ASTN2: variants seen among roughly 807,000 people sequenced by gnomAD.
ASTN2 encodes the protein astrotactin-2.
ASTN2 carries 54 observed loss-of-function variants against 139.8 expected under a neutral mutation model. That is an observed-to-expected ratio of 0.39 (90% CI 0.31 to 0.48). The LOEUF (loss-of-function observed/expected upper bound fraction) is 0.48, where lower values mean the gene tolerates loss of function less well. Ranked by LOEUF, ASTN2 falls within the 20% of genes least tolerant of loss-of-function variation. The probability of loss-of-function intolerance (pLI) is 0.95; values close to 1 mark genes in which losing one functional copy is unlikely to be tolerated. For synonymous variants in ASTN2, 756 were observed against 719.5 expected (o/e 1.05, Z -0.81); for missense variants, 1,565 against 1,725.1 (o/e 0.91, Z 1.64).
At chr9:117,201,866 A>G (rs1247529053) in intron 3 of ASTN2, among the ~76,000 whole-genome samples, 1 of 152,178 alleles carries the variant, frequency 6.6e-6, no homozygotes, top group Non-Finnish European at 1.5e-5. Flanking sequence ...CACTTGATCC[A>G]GAGCTGAGTT....
At chr9:117,128,162 G>C (rs903587837) in intron 4 of ASTN2, among the ~76,000 whole-genome samples, 1 of 151,948 alleles carries the variant, frequency 6.6e-6, no homozygotes, top group African/African-American at 2.4e-5. Flanking sequence ...TAGTCCATCA[G>C]AAATCAGGGT....
intron 10 of ASTN2, among the ~76,000 whole-genome samples, chr9:116,929,534 T>C (rs1834843685): frequency 6.6e-6 from 1 of 152,198 alleles, no homozygotes; most frequent in Non-Finnish European, 1.5e-5. Context: ...ACATTGACTC[T>C]GTGCTGCATC....
intron 19 of ASTN2, among the ~76,000 whole-genome samples, chr9:116,503,058 A>AAAGG (rs376833185): frequency 7.5e-6 from 1 of 133,780 alleles, no homozygotes; most frequent in Non-Finnish European, 1.6e-5. Flanking sequence ...GGGAAGGAAG[A>AAAGG]AAGGAAGGAA....
At chr9:117,029,668 C>A (rs1838191863) in intron 6 of ASTN2, among the ~76,000 whole-genome samples, 1 of 150,724 alleles carries the variant, frequency 6.6e-6, no homozygotes, top group African/African-American at 2.4e-5. Flanking sequence ...CGTTTGTTGA[C>A]CATGGGAGGA....
intron 10 of ASTN2, among the ~76,000 whole-genome samples, chr9:116,928,467 G>A (rs187175253): frequency 1.7e-3 from 264 of 152,178 alleles, no homozygotes; most frequent in African/African-American, 6.0e-3. Context: ...AATCTTTGTC[G>A]TAACAGCTGT....
chr9:116,552,906 C>G (rs183793027), intron 19 of ASTN2, among the ~76,000 whole-genome samples: 1 of 152,238 alleles, frequency 6.6e-6, no homozygotes, highest in East Asian at 1.9e-4. Flanking sequence ...CAGTGGAAAT[C>G]CATTAAATTA....
intron 4 of ASTN2, among the ~76,000 whole-genome samples, chr9:117,097,191 T>C (rs1263169805): frequency 6.6e-6 from 1 of 151,998 alleles, no homozygotes; most frequent in African/African-American, 2.4e-5. Context: ...GAGGAGGAGA[T>C]GAGTGCAAAG....
At chr9:117,150,071 TAGG>T (rs2132877284) in intron 3 of ASTN2, among the ~76,000 whole-genome samples, 2 of 152,310 alleles carry the variant, frequency 1.3e-5, no homozygotes, top group African/African-American at 4.8e-5. Flanking sequence ...TGATTTCTGC[TAGG>T]AGAACTGCAT....
intron 1 of ASTN2, among the ~76,000 whole-genome samples, chr9:117,319,787 A>C (rs959738497): frequency 1.3e-5 from 2 of 152,112 alleles, no homozygotes; most frequent in African/African-American, 2.4e-5. Context: ...CCTCCCTGTC[A>C]GCAAGACCCC....
chr9:117,206,528 CAT>C (rs1018663133), intron 3 of ASTN2, among the ~76,000 whole-genome samples: 5 of 152,150 alleles, frequency 3.3e-5, no homozygotes, highest in African/African-American at 1.2e-4. Flanking sequence ...GTACACACCT[CAT>C]GAGTGTGCCC....
rs376636277 is a variant in ASTN2 at position 116,832,940 on chromosome 9, TTTTA to T, written c.2041-12161_2041-12158del. On this transcript the variant is annotated intron_variant, in intron 11 of 22. Coordinates refer to ENST00000313400, the MANE Select transcript of ASTN2 (RefSeq NM_001365068.1). Reference sequence around the variant, plus strand: ...TTTCTGGAAGATTTTTTTTGTTTTGTTTTATTTATTTATTTATTTATTTTTTGGG... The same window carrying T: ...TTTCTGGAAGATTTTTTTTGTTTTGTTTTATTTATTTATTTATTTTTTGGG... Among the ~76,000 whole-genome samples the T allele has an allele frequency of 3.0e-3, 453 of 149,924 alleles. 2 individuals are homozygous for T. Among genetic ancestry groups the T allele is most frequent in the African/African-American group, 5.4e-3 (221 of 40,688 alleles).
intron 2 of ASTN2, among the ~76,000 whole-genome samples, chr9:117,267,719 T>C (rs1369294185): frequency 1.3e-5 from 2 of 152,210 alleles, no homozygotes; most frequent in African/African-American, 4.8e-5. Context: ...GCTCCTGACT[T>C]CAGCTCACTC....
At chr9:116,646,911 A>G (rs1252687549) in intron 17 of ASTN2, among the ~76,000 whole-genome samples, 1 of 152,126 alleles carries the variant, frequency 6.6e-6, no homozygotes, top group Non-Finnish European at 1.5e-5. Context: ...TTGTCCATGG[A>G]GTTTTCTCCC....
At chr9:116,503,100 G>A (rs1588121346) in intron 19 of ASTN2, among the ~76,000 whole-genome samples, 1 of 148,868 alleles carries the variant, frequency 6.7e-6, no homozygotes. Context: ...GAAGATGGAA[G>A]AAAAGAAAAA....
At chr9:116,898,290 T>C (rs1833926266) in intron 10 of ASTN2, among the ~76,000 whole-genome samples, 1 of 151,738 alleles carries the variant, frequency 6.6e-6, no homozygotes, top group Admixed American at 6.6e-5. Flanking sequence ...ATGCTTGTGG[T>C]CTCAGCTACT....
At chr9:116,908,803 A>G (rs1471365455) in intron 10 of ASTN2, among the ~76,000 whole-genome samples, 2 of 152,260 alleles carry the variant, frequency 1.3e-5, no homozygotes, top group Non-Finnish European at 2.9e-5. Flanking sequence ...GTATGCGTGT[A>G]TAATATGTAC....
At chr9:117,167,783 T>C (rs1483009649) in intron 3 of ASTN2, among the ~76,000 whole-genome samples, 2 of 152,144 alleles carry the variant, frequency 1.3e-5, no homozygotes, top group East Asian at 3.9e-4. Flanking sequence ...TGCCATGCAC[T>C]GCACTGGACT....
intron 1 of ASTN2, among the ~76,000 whole-genome samples, chr9:117,379,647 G>A (rs567877389): frequency 6.6e-6 from 1 of 152,294 alleles, no homozygotes; most frequent in Admixed American, 6.5e-5. Context: ...GGGTGTCCAA[G>A]GATGAATAAG....
intron 3 of ASTN2, among the ~76,000 whole-genome samples, chr9:117,190,540 A>G (rs951242972): frequency 1.3e-5 from 2 of 152,012 alleles, no homozygotes; most frequent in African/African-American, 4.8e-5. Flanking sequence ...GTCCCTTTCT[A>G]TCAGGCTCTA....
Sources: gnomAD v4.1 joint callset for allele counts (sites outside exome capture counted in the v4.1 genomes callset) on GRCh38, gnomAD v4.1.1 for gene constraint, MANE v1.5 for transcripts, NCBI Gene and HGNC (gene_info 2026-07-23, HGNC 2026-07-21) for gene names.